The following PPP4R3A variants were observed in gnomAD, a reference collection of about 807,000 sequenced individuals.
PPP4R3A encodes the protein serine/threonine-protein phosphatase 4 regulatory subunit 3A.
Under a neutral mutation model 91.7 loss-of-function variants are expected in PPP4R3A, and 15 were observed. The observed-to-expected ratio is 0.16, with a 90% confidence interval of 0.11 to 0.25. The LOEUF (loss-of-function observed/expected upper bound fraction) is 0.25, where lower values mean the gene tolerates loss of function less well. Ranked by LOEUF, PPP4R3A falls within the 10% of genes least tolerant of loss-of-function variation. The pLI, the probability that PPP4R3A is intolerant of heterozygous loss-of-function variation, is 1.00. For missense variants in PPP4R3A, 623 were observed against 998.4 expected (o/e 0.62, Z 5.07); for synonymous variants, 377 against 348.7 (o/e 1.08, Z -0.91).
intron 1 of PPP4R3A, among the ~76,000 whole-genome samples, chr14:91,500,283 C>T (rs776707999): frequency 2.0e-5 from 3 of 152,124 alleles, no homozygotes; most frequent in Non-Finnish European, 4.4e-5. Flanking sequence ...TCACTGCAAC[C>T]TCCACCTCCC....
At chr14:91,485,175 T>C (rs979570672) in intron 3 of PPP4R3A, among the ~76,000 whole-genome samples, 2 of 152,234 alleles carry the variant, frequency 1.3e-5, no homozygotes, top group Admixed American at 1.3e-4. Context: ...CAAGAAATGA[T>C]GGTGGCTTGG....
chr14:91,462,983 A>G (rs751205605), intron 11 of PPP4R3A, 106 bp from the exon 12 acceptor site: 15 of 869,028 alleles, frequency 1.7e-5, no homozygotes, highest in Non-Finnish European at 2.3e-5. Flanking sequence ...TAATTTAATA[A>G]AACTACATAA....
Position 91,458,720 on chromosome 14 carries a change from T to C in PPP4R3A, c.*39A>G, listed in dbSNP as rs745621396. The C allele has an allele frequency of 6.2e-7, 1 of 1,612,448 alleles. No homozygotes were observed. The highest frequency in any genetic ancestry group is 2.2e-5 in the East Asian group (1 of 44,858). On this transcript the variant is annotated 3_prime_UTR_variant, in exon 15 of 15. Transcript: ENST00000554943. ...GTATGGGGGAGGGGTGGAGAACCAG[T>C]TTTTTTCAACAGGTACTGATCCTAG...
At position 91,475,945 on chromosome 14, in the gene PPP4R3A, G is replaced by A; in HGVS notation, c.1132C>T (p.Arg378Ter). ...GAGAATATATCAGTAGCAGCACTTCGCACCTGTGTATCATCCATGCCCTGC... is the reference window on the plus strand; with the variant it reads ...GAGAATATATCAGTAGCAGCACTTCACACCTGTGTATCATCCATGCCCTGC... Reference protein sequence around the residue: ...VILGMDDTQVRSAATDIFSYL... With the variant: ...VILGMDDTQV Residue 378 changes from arginine (R) to a stop codon, truncating the protein, a stop_gained, in exon 7 of 15, where the codon CGA (arginine) becomes TGA (stop). Coordinates refer to ENST00000554943, the MANE Select transcript of PPP4R3A (RefSeq NM_001366432.2). LOFTEE classifies it high-confidence loss of function. The A allele has an allele frequency of 6.3e-7, 1 of 1,598,066 alleles. No individual in the cohort carries two copies. The highest frequency in any genetic ancestry group is 8.5e-7 in the Non-Finnish European group (1 of 1,175,560).
At chr14:91,503,549 C>T (rs1402437692) in intron 1 of PPP4R3A, among the ~76,000 whole-genome samples, 1 of 152,106 alleles carries the variant, frequency 6.6e-6, no homozygotes, top group Non-Finnish European at 1.5e-5. Flanking sequence ...TGGTAAAAAT[C>T]ATAATGGTGA....
In PPP4R3A at chr14:91,490,812, A is replaced by C. The variant is rs765696148; in HGVS notation, c.143-10T>G. On this transcript the variant is annotated splice_polypyrimidine_tract_variant and intron_variant, in intron 1 of 14. Coordinates refer to ENST00000554943, the MANE Select transcript of PPP4R3A (RefSeq NM_001366432.2). Reference sequence around the variant, plus strand: ...TCTAAAAGTAGAGAACCTAGGAAACAGAAAAAGACATTCCATTATGTTACT... The same window carrying C: ...TCTAAAAGTAGAGAACCTAGGAAACCGAAAAAGACATTCCATTATGTTACT... 1 of 1,600,890 alleles carries C rather than the reference A, an allele frequency of 6.2e-7. No individual in the cohort carries two copies. Among genetic ancestry groups the C allele is most frequent in the Non-Finnish European group, 8.5e-7 (1 of 1,172,564 alleles).
chr14:91,507,429 C>CTATAATTATATATACTACATAGTATA (rs1891417366), intron 1 of PPP4R3A, among the ~76,000 whole-genome samples: 1 of 129,564 alleles, frequency 7.7e-6, no homozygotes, highest in South Asian at 2.3e-4. Flanking sequence ...AATATATATA[C>CTATAATTATATATACTACATAGTATA]TATAATTATA....
intron 10 of PPP4R3A, 92 bp from the exon 11 acceptor site, chr14:91,465,511 CTG>C: frequency 9.2e-7 from 1 of 1,084,926 alleles, no homozygotes; most frequent in Non-Finnish European, 1.3e-6. Context: ...CCAAAAAAAA[CTG>C]TTTAACACAT....
intron 10 of PPP4R3A, among the ~76,000 whole-genome samples, chr14:91,469,573 A>G (rs970852190): frequency 2.0e-5 from 3 of 152,166 alleles, no homozygotes; most frequent in Non-Finnish European, 4.4e-5. Context: ...AAAATTTATT[A>G]TTTTTCTTGG....
At chr14:91,493,618 T>C (rs779214621) in intron 1 of PPP4R3A, among the ~76,000 whole-genome samples, 2 of 132,084 alleles carry the variant, frequency 1.5e-5, no homozygotes, top group Non-Finnish European at 3.1e-5. Context: ...TGAGACCCCA[T>C]ACTATATATT....
rs1432932448 is a variant in PPP4R3A, at chr14:91,487,227, G to A, written c.199-1497C>T. Among the ~76,000 whole-genome samples the A allele has an allele frequency of 2.1e-5, 3 of 141,994 alleles. No individual in the cohort carries two copies. In the Admixed American group the frequency reaches 2.2e-4, roughly 10 times the overall value. 93.2% of individuals were successfully genotyped at this position (141,994 alleles called of 152,430 possible). The stretch of plus-strand genomic sequence containing the variant: ...ATCGTGCCACTGCACTCCAGCCTGG[G>A]TGACAGAGTGAGAGTCCGTCTCAAA... On this transcript the variant is annotated intron_variant, in intron 2 of 14. Transcript: ENST00000554943.
chr14:91,486,916 A>ATAAAT (rs1198808503), intron 2 of PPP4R3A, among the ~76,000 whole-genome samples: 16 of 146,744 alleles, frequency 1.1e-4, no homozygotes, highest in Non-Finnish European at 2.0e-4. Flanking sequence ...AAAAAAAAAA[A>ATAAAT]AAAAAAAATA....
intron 1 of PPP4R3A, among the ~76,000 whole-genome samples, chr14:91,502,331 T>C (rs939361372): frequency 1.3e-5 from 2 of 151,986 alleles, no homozygotes; most frequent in Non-Finnish European, 2.9e-5. Context: ...GAGGCTAAGG[T>C]AGGAGGATTA....
chr14:91,466,064 A>C (rs1888456298), intron 10 of PPP4R3A, among the ~76,000 whole-genome samples: 1 of 152,148 alleles, frequency 6.6e-6, no homozygotes, highest in South Asian at 2.1e-4. Flanking sequence ...TTTCATTTTC[A>C]TAATTAATTA....
At chr14:91,500,577 G>C (rs1890886782) in intron 1 of PPP4R3A, among the ~76,000 whole-genome samples, 1 of 152,042 alleles carries the variant, frequency 6.6e-6, no homozygotes. Flanking sequence ...AGGAAAACGA[G>C]TATTAATAAT....
chr14:91,493,857 C>T (rs922268476), intron 1 of PPP4R3A, among the ~76,000 whole-genome samples: 6 of 149,188 alleles, frequency 4.0e-5, no homozygotes, highest in African/African-American at 1.3e-4. Context: ...ACCACAACCT[C>T]TGCCTCCTGG....
At chr14:91,493,018 G>A (rs1279957733) in intron 1 of PPP4R3A, among the ~76,000 whole-genome samples, 4 of 152,040 alleles carry the variant, frequency 2.6e-5, no homozygotes, top group Admixed American at 6.6e-5. Flanking sequence ...CTGAGGCCAG[G>A]AGTTTGAGAA....
chr14:91,460,899 G>C (rs12100936), intron 14 of PPP4R3A, among the ~76,000 whole-genome samples: 57 of 151,884 alleles, frequency 3.8e-4, no homozygotes, highest in Non-Finnish European at 6.6e-4. Flanking sequence ...GATTACAGGC[G>C]TGAGCCACCG....
chr14:91,470,692 G>T, intron 10 of PPP4R3A, 145 bp downstream of exon 10: 1 of 859,678 alleles, frequency 1.2e-6, no homozygotes, highest in Non-Finnish European at 1.8e-6. Context: ...TGCTCAACAT[G>T]GCAAACCTGC....
Sources: allele counts gnomAD v4.1 joint callset (sites outside exome capture counted in the v4.1 genomes callset), GRCh38; gene constraint gnomAD v4.1.1; transcripts MANE v1.5; gene names NCBI Gene and HGNC (gene_info 2026-07-23, HGNC 2026-07-21).